FYN: variants seen among roughly 807,000 people sequenced by gnomAD.
FYN encodes FYN proto-oncogene, Src family tyrosine kinase, also known as tyrosine-protein kinase Fyn.
FYN carries 10 observed loss-of-function variants against 70.2 expected under a neutral mutation model. The observed-to-expected ratio is 0.14, with a 90% CI of 0.09 to 0.24. The LOEUF is 0.24. Among genes scored for constraint, FYN ranks in the 10% least tolerant of loss-of-function variants. The pLI is 1.00. For synonymous variants in FYN, 236 were observed against 248.6 expected (o/e 0.95, Z 0.48); for missense variants, 319 against 673.1 (o/e 0.47, Z 5.82).
At chr6:111,743,867 G>C (rs981545653) in intron 3 of FYN, among the ~76,000 whole-genome samples, 1 of 152,122 alleles carries the variant, frequency 6.6e-6, no homozygotes, top group African/African-American at 2.4e-5. Flanking sequence ...AAAAGATCTG[G>C]CTCTCTTACT....
chr6:111,676,942 T>C (rs971709587), intron 12 of FYN, among the ~76,000 whole-genome samples: 1 of 152,206 alleles, frequency 6.6e-6, no homozygotes, highest in South Asian at 2.1e-4. Flanking sequence ...CCAGTTGCAT[T>C]AGTCAGCTTT....
At chr6:111,678,978 C>G (rs886829554) in intron 12 of FYN, among the ~76,000 whole-genome samples, 1 of 152,170 alleles carries the variant, frequency 6.6e-6, no homozygotes, top group Admixed American at 6.5e-5. Context: ...GCATGTCCCC[C>G]CCTGGGTTTC....
intron 3 of FYN, among the ~76,000 whole-genome samples, chr6:111,721,153 G>A (rs151150684): frequency 3.3e-5 from 5 of 152,268 alleles, no homozygotes; most frequent in East Asian, 3.9e-4. Context: ...TCTGCAAGGC[G>A]TTCTCCGACT....
chr6:111,679,359 C>T (rs137902788), intron 12 of FYN, among the ~76,000 whole-genome samples: 110 of 152,226 alleles, frequency 7.2e-4, no homozygotes, highest in African/African-American at 2.2e-3. Context: ...TATTGCCTAA[C>T]GAAGCTGTTA....
chr6:111,731,048 A>G (rs1801424778), intron 3 of FYN, among the ~76,000 whole-genome samples: 1 of 152,158 alleles, frequency 6.6e-6, no homozygotes, highest in Non-Finnish European at 1.5e-5. Flanking sequence ...ACACATTAGC[A>G]CAAAGCGGCT....
At chr6:111,721,029 A>G (rs1800909943) in intron 3 of FYN, among the ~76,000 whole-genome samples, 1 of 152,030 alleles carries the variant, frequency 6.6e-6, no homozygotes, top group Non-Finnish European at 1.5e-5. Context: ...TCAGATCCTC[A>G]AAGACTCCAT....
chr6:111,775,783 G>A (rs192171780), intron 3 of FYN, among the ~76,000 whole-genome samples: 5 of 152,290 alleles, frequency 3.3e-5, no homozygotes, highest in South Asian at 2.1e-4. Context: ...GGATCTGTGC[G>A]TTTAATGAGC....
chr6:111,693,591 A>G (rs750551843), intron 12 of FYN, among the ~76,000 whole-genome samples: 9 of 152,178 alleles, frequency 5.9e-5, no homozygotes, highest in Middle Eastern at 3.2e-3. Flanking sequence ...GAGTTGGGAT[A>G]TATTTTACTT....
At chr6:111,814,963 A>T (rs1301692090) in intron 2 of FYN, among the ~76,000 whole-genome samples, 1 of 152,234 alleles carries the variant, frequency 6.6e-6, no homozygotes, top group Non-Finnish European at 1.5e-5. Context: ...TAAGCTGGTG[A>T]ATTCACAGTT....
At chr6:111,819,833 T>A (rs1772602001) in intron 2 of FYN, 1 of 152,188 alleles carries the variant, frequency 6.6e-6, no homozygotes, top group African/African-American at 2.4e-5. Context: ...CAAATAAATT[T>A]AAAAAATATT....
chr6:111,837,585 TACA>T (rs928912458), intron 2 of FYN, among the ~76,000 whole-genome samples: 3 of 152,022 alleles, frequency 2.0e-5, no homozygotes, highest in Non-Finnish European at 4.4e-5. Context: ...AGAAAGGGGG[TACA>T]ACAAGTAGAA....
intron 3 of FYN, among the ~76,000 whole-genome samples, chr6:111,724,860 T>C (rs1297621695): frequency 6.6e-6 from 1 of 152,082 alleles, no homozygotes; most frequent in Non-Finnish European, 1.5e-5. Context: ...CCTGGTATCA[T>C]AATGGAAGTA....
intron 13 of FYN, among the ~76,000 whole-genome samples, chr6:111,667,745 T>G (rs1264870058): frequency 2.0e-5 from 3 of 152,234 alleles, no homozygotes; most frequent in Non-Finnish European, 4.4e-5. Context: ...AAAAATGTCT[T>G]TTATGAAAGA....
chr6:111,837,592 A>C (rs1477109847), intron 2 of FYN, among the ~76,000 whole-genome samples: 1 of 152,058 alleles, frequency 6.6e-6, no homozygotes, highest in African/African-American at 2.4e-5. Flanking sequence ...GGGTACAACA[A>C]GTAGAAGTTG....
chr6:111,691,493 C>T (rs1318525787), intron 12 of FYN, among the ~76,000 whole-genome samples: 12 of 152,184 alleles, frequency 7.9e-5, no homozygotes, highest in Non-Finnish European at 4.4e-5. Context: ...ATTAGGCATG[C>T]GGACCAGCTG....
chr6:111,684,853 T>C (rs1798928862), intron 12 of FYN, among the ~76,000 whole-genome samples: 1 of 152,166 alleles, frequency 6.6e-6, no homozygotes, highest in South Asian at 2.1e-4. Flanking sequence ...TGGAGGCTTA[T>C]TTAAGTGGTT....
At chr6:111,803,596 C>T (rs905539037) in intron 2 of FYN, among the ~76,000 whole-genome samples, 1 of 151,532 alleles carries the variant, frequency 6.6e-6, no homozygotes, top group African/African-American at 2.4e-5. Flanking sequence ...GGAAGTAATC[C>T]ACTTCATAGT....
At chr6:111,726,356 T>C (rs1165082615) in intron 3 of FYN, among the ~76,000 whole-genome samples, 1 of 152,176 alleles carries the variant, frequency 6.6e-6, no homozygotes, top group Non-Finnish European at 1.5e-5. Context: ...ATGACCAATA[T>C]CCAATCAGTG....
intron 4 of FYN, among the ~76,000 whole-genome samples, chr6:111,714,969 A>G (rs1800560583): frequency 2.6e-5 from 4 of 152,154 alleles, no homozygotes. Context: ...CCCCAATTAG[A>G]GGATGTACTG....
Sources: gnomAD v4.1 joint callset for allele counts (sites outside exome capture counted in the v4.1 genomes callset) on GRCh38, gnomAD v4.1.1 for gene constraint, MANE v1.5 for transcripts, NCBI Gene and HGNC (gene_info 2026-07-23, HGNC 2026-07-21) for gene names.